Variants in RSPH10B2 observed in about 807,000 individuals in gnomAD.
The protein encoded by RSPH10B2 is radial spoke head 10 homolog B2 (Chlamydomonas).
In RSPH10B2, 9 loss-of-function variants were observed where a neutral mutation model predicts 49.0. That is an observed-to-expected ratio of 0.18 (90% CI 0.11 to 0.32). The LOEUF is 0.32. Among genes scored for constraint, RSPH10B2 ranks in the 10% least tolerant of loss-of-function variants. RSPH10B2 has a pLI of 1.00. For missense variants in RSPH10B2, 95 were observed against 589.9 expected, an observed-to-expected ratio of 0.16 and a Z score of 8.69; for synonymous variants, 35 against 210.2, an observed-to-expected ratio of 0.17 and a Z score of 7.21.
At chr7:6,756,147 G>A (rs1214530197), upstream of RSPH10B2, among the ~76,000 whole-genome samples, 48 of 146,226 alleles carry the variant, frequency 3.3e-4, no homozygotes, top group Admixed American at 2.9e-3. Flanking sequence ...GTGGGTGCCT[G>A]TAGTCCCAGC....
intron 7 of RSPH10B2, among the ~76,000 whole-genome samples, chr7:6,769,750 G>A (rs1327633532): frequency 4.6e-5 from 5 of 107,950 alleles, no homozygotes; most frequent in Admixed American, 3.2e-4. Flanking sequence ...CACCACGCCC[G>A]GCTCTTTTTT....
intron 6 of RSPH10B2, among the ~76,000 whole-genome samples, chr7:6,767,279 T>G (rs1223561807): frequency 3.4e-3 from 16 of 4,668 alleles, no homozygotes; most frequent in African/African-American, 0.011. Context: ...CCAGCCTGTT[T>G]GTTTGTTTTT....
At chr7:6,792,615 C>T (rs1272629417) in intron 17 of RSPH10B2, among the ~76,000 whole-genome samples, 2 of 116,312 alleles carry the variant, frequency 1.7e-5, no homozygotes, top group African/African-American at 6.7e-5. Flanking sequence ...CAGCCGTGTC[C>T]GTGTGAACTT....
intron 10 of RSPH10B2, among the ~76,000 whole-genome samples, chr7:6,776,768 T>C (rs1357460541): frequency 6.3e-4 from 38 of 60,294 alleles, no homozygotes; most frequent in Admixed American, 2.1e-3. Flanking sequence ...TCCCAGCCAC[T>C]TGGGAGGCTG....
chr7:6,752,142 G>A (rs1161230566), upstream of RSPH10B2, among the ~76,000 whole-genome samples: 6 of 150,572 alleles, frequency 4.0e-5, no homozygotes, highest in Non-Finnish European at 8.9e-5. Flanking sequence ...TTTTAAACAC[G>A]GGGGATTCTC....
At chr7:6,764,783 G>C (rs1367804231) in intron 4 of RSPH10B2, among the ~76,000 whole-genome samples, 1 of 148,350 alleles carries the variant, frequency 6.7e-6, no homozygotes, top group South Asian at 2.2e-4. Flanking sequence ...ATTGGGGGTG[G>C]TGACTTCTAG....
intron 2 of RSPH10B2, 108 bp downstream of exon 4, chr7:6,759,267 A>G (rs1414825860): frequency 1.4e-4 from 9 of 64,574 alleles, no homozygotes; most frequent in Non-Finnish European, 2.2e-4. Flanking sequence ...AAGAAATCGG[A>G]AGCTCTTCAT....
upstream of RSPH10B2, among the ~76,000 whole-genome samples, chr7:6,756,008 G>C (rs1368936649): frequency 7.0e-6 from 1 of 142,420 alleles, no homozygotes; most frequent in Admixed American, 7.1e-5. Context: ...GGTGACTCAC[G>C]CCTGTAATCC....
At chr7:6,763,396 G>A (rs1181433175) in intron 3 of RSPH10B2, among the ~76,000 whole-genome samples, 1 of 108,270 alleles carries the variant, frequency 9.2e-6, no homozygotes, top group African/African-American at 3.8e-5. Flanking sequence ...CCGAGATGGC[G>A]CCATTGCACT....
chr7:6,760,045 G>A (rs1781215569), intron 2 of RSPH10B2, among the ~76,000 whole-genome samples, 181 bp from the exon 5 acceptor site: 1 of 88,826 alleles, frequency 1.1e-5, no homozygotes, highest in African/African-American at 4.7e-5. Context: ...GATGCCTGTA[G>A]TCCCAGCTAC....
chr7:6,797,729 C>T (rs1782652190), intron 18 of RSPH10B2, among the ~76,000 whole-genome samples: 1 of 150,484 alleles, frequency 6.6e-6, no homozygotes, highest in African/African-American at 2.5e-5. Context: ...GTGGCAGGCG[C>T]CTGTAGTCCC....
At chr7:6,763,553 C>G (rs1781315803) in intron 3 of RSPH10B2, among the ~76,000 whole-genome samples, 1 of 125,326 alleles carries the variant, frequency 8.0e-6, no homozygotes, top group Non-Finnish European at 1.7e-5. Context: ...TCCCAAAGTG[C>G]TGTGATTACA....
chr7:6,793,925 T>TA (rs1457689273), intron 17 of RSPH10B2, among the ~76,000 whole-genome samples: 116 of 150,492 alleles, frequency 7.7e-4, no homozygotes, highest in African/African-American at 2.8e-3. Flanking sequence ...CCTTTGCTGC[T>TA]AGGCATCTTG....
At chr7:6,756,100 C>G (rs1490807072), upstream of RSPH10B2, among the ~76,000 whole-genome samples, 1 of 150,246 alleles carries the variant, frequency 6.7e-6, no homozygotes, top group South Asian at 2.1e-4. Context: ...AACCCCGTCT[C>G]TACTAAAAAT....
Position 6,793,424 on chromosome 7 carries a change from C to T in RSPH10B2, c.2233+1427C>T, listed in dbSNP as rs1326137763. ...TGGTGGACTTTTAAAGGCTCCGTCC[C>T]GGGGCCTTGTCTTCTCAAAGGCCTC... is the stretch of plus-strand genomic sequence containing the variant. On this transcript the variant is annotated intron_variant, in intron 17 of 18. Transcript: ENST00000297186. 2.6e-5 allele frequency among the ~76,000 whole-genome samples: 3 copies of T among 116,610 alleles called. 1 individual carries two copies. The highest frequency in any genetic ancestry group is 3.4e-5 in the Non-Finnish European group (2 of 58,278). 76.5% of individuals were successfully genotyped at this position (116,610 alleles called of 152,430 possible).
In RSPH10B2 at chr7:6,766,909, AG is replaced by A. The variant is rs779021690; in HGVS notation, c.780+33del. Reference sequence around the variant, plus strand: ...CCGGGCGGGGTAGCAGCTTATACCCAGAGGCGGATGCTCCGCCGATTCTCAA... The same window carrying A: ...CCGGGCGGGGTAGCAGCTTATACCCAAGGCGGATGCTCCGCCGATTCTCAA... On this transcript the variant is annotated intron_variant, in intron 6 of 18. Transcript: ENST00000297186. 1.1e-4 allele frequency: 94 copies of A among 829,200 alleles called. 11 individuals carry two copies. Among genetic ancestry groups the A allele is most frequent in the Non-Finnish European group, 1.5e-4 (87 of 584,560 alleles). The allele number at this position is 829,200 out of a possible 1,614,324, so 51.4% of individuals were successfully genotyped here. A position where few individuals can be genotyped will look rare whatever the true frequency, so the allele number is the denominator to read the frequency against.
chr7:6,783,040 T>TC (rs1210479838), intron 13 of RSPH10B2, among the ~76,000 whole-genome samples: 1 of 122,126 alleles, frequency 8.2e-6, no homozygotes, highest in Non-Finnish European at 1.7e-5. Flanking sequence ...CCATGATACT[T>TC]TTTTTTTTTT....
At chr7:6,794,246 C>T (rs2711263) in intron 17 of RSPH10B2, 18,437 of 122,140 alleles carry the variant, frequency 0.15, 100 homozygotes, top group South Asian at 0.25. Flanking sequence ...TTTTGCTCCA[C>T]GTGGCACTGT....
At chr7:6,791,333 AC>A (rs1481069323) in intron 16 of RSPH10B2, among the ~76,000 whole-genome samples, 3 of 142,438 alleles carry the variant, frequency 2.1e-5, no homozygotes, top group Admixed American at 1.4e-4. Context: ...TAAATACTGT[AC>A]CAACAGACCC....
Sources: gnomAD v4.1 joint callset for allele counts (sites outside exome capture counted in the v4.1 genomes callset) on GRCh38, gnomAD v4.1.1 for gene constraint, MANE v1.5 for transcripts, NCBI Gene and HGNC (gene_info 2026-07-23, HGNC 2026-07-21) for gene names.